The following B3GALT5 variants were observed in gnomAD, a reference collection of about 807,000 sequenced individuals.
B3GALT5 encodes beta-1,3-galactosyltransferase 5.
For synonymous variants in B3GALT5, 156 were observed against 158.6 expected, an observed-to-expected ratio of 0.98 and a Z score of 0.12; for missense variants, 328 against 396.6, an observed-to-expected ratio of 0.83 and a Z score of 1.47.
At chr21:39,615,450 G>A (rs971298261) in intron 1 of B3GALT5, among the ~76,000 whole-genome samples, 23 of 152,130 alleles carry the variant, frequency 1.5e-4, no homozygotes, top group Non-Finnish European at 3.4e-4. Flanking sequence ...CAAAACAACC[G>A]GAATTTTTAT....
chr21:39,644,619 G>T (rs112176606), intron 1 of B3GALT5, among the ~76,000 whole-genome samples: 247 of 152,340 alleles, frequency 1.6e-3, no homozygotes, highest in African/African-American at 5.7e-3. Flanking sequence ...AAACGATGGC[G>T]TGTATCCCTA....
At chr21:39,659,115 C>T (rs991188922) in intron 2 of B3GALT5, among the ~76,000 whole-genome samples, 5 of 152,214 alleles carry the variant, frequency 3.3e-5, no homozygotes, top group South Asian at 4.2e-4. Flanking sequence ...TGGCATGCGC[C>T]TGTGGTCACA....
intron 1 of B3GALT5, among the ~76,000 whole-genome samples, chr21:39,632,317 C>T (rs1474653431): frequency 1.3e-5 from 2 of 152,162 alleles, no homozygotes; most frequent in East Asian, 1.9e-4. Flanking sequence ...TATTTTCTGG[C>T]CCCAAGTAGG....
At chr21:39,642,175 C>A (rs1368942614) in intron 1 of B3GALT5, among the ~76,000 whole-genome samples, 3 of 152,220 alleles carry the variant, frequency 2.0e-5, no homozygotes, top group African/African-American at 7.2e-5. Context: ...TCCATTCATT[C>A]ATCAAGTGTA....
rs1267515750 is a variant in B3GALT5, at chr21:39,671,813, C to T, written c.*10321C>T. 1 of 152,116 alleles carries T rather than the reference C, an allele frequency of 6.6e-6. No homozygotes were observed. Among genetic ancestry groups the T allele is most frequent in the African/African-American group, 2.4e-5 (1 of 41,406 alleles). 9.4% of individuals were successfully genotyped at this position (152,116 alleles called of 1,614,324 possible). ...GAGGCATGAATTTCTGTCTGTTTTC[C>T]TGCTGTTGAAATCTGAGTGCTAGGA... On this transcript the variant is annotated 3_prime_UTR_variant, in exon 4 of 4. Coordinates refer to ENST00000684187, the MANE Select transcript of B3GALT5 (RefSeq NM_001356336.2).
chr21:39,656,171 C>T (rs1345636403), intron 2 of B3GALT5, among the ~76,000 whole-genome samples: 1 of 152,214 alleles, frequency 6.6e-6, no homozygotes, highest in Non-Finnish European at 1.5e-5. Context: ...GATTCTGACA[C>T]TCACTGGATT....
At chr21:39,654,955 A>G (rs574268058) in intron 2 of B3GALT5, among the ~76,000 whole-genome samples, 88 of 152,342 alleles carry the variant, frequency 5.8e-4, no homozygotes, top group Middle Eastern at 6.8e-3. Flanking sequence ...TTGCTCTTTT[A>G]TGATATTTGC....
intron 1 of B3GALT5, among the ~76,000 whole-genome samples, chr21:39,623,800 C>T (rs1447379487): frequency 6.6e-6 from 1 of 152,072 alleles, no homozygotes; most frequent in Non-Finnish European, 1.5e-5. Context: ...TGGTGAGTAC[C>T]TAGAGTCCAG....
intron 1 of B3GALT5, among the ~76,000 whole-genome samples, chr21:39,633,789 T>G (rs1220935683): frequency 6.6e-6 from 1 of 152,220 alleles, no homozygotes; most frequent in Non-Finnish European, 1.5e-5. Context: ...GAAAATTGCT[T>G]TCATATATAT....
In B3GALT5 at chr21:39,646,452, C is replaced by T. The variant is rs529622552; in HGVS notation, c.-331C>T. 3.3e-5 allele frequency: 5 copies of T among 152,238 alleles called. No individual in the cohort carries two copies. In the South Asian group the frequency reaches 8.3e-4, roughly 25 times the overall value. 9.4% of individuals were successfully genotyped at this position (152,238 alleles called of 1,614,324 possible). A position where few individuals can be genotyped will look rare whatever the true frequency, so the allele number is the denominator to read the frequency against. ...TTGTGTTCAAGTAAGAAAATGTATC[C>T]AAGTCACAAAGAAACATAATTTGGC... is the stretch of plus-strand genomic sequence containing the variant. On this transcript the variant is annotated 5_prime_UTR_variant, in exon 2 of 4. Transcript: ENST00000684187.
intron 1 of B3GALT5, among the ~76,000 whole-genome samples, chr21:39,634,432 C>T (rs531009543): frequency 1.8e-4 from 27 of 152,338 alleles, no homozygotes; most frequent in African/African-American, 6.0e-4. Flanking sequence ...CCACACCTCT[C>T]GTTTCTGGCA....
chr21:39,636,223 G>A (rs1420982466), intron 1 of B3GALT5, among the ~76,000 whole-genome samples: 1 of 152,228 alleles, frequency 6.6e-6, no homozygotes, highest in African/African-American at 2.4e-5. Context: ...ATTTAATGCA[G>A]TGCTTGACAC....
intron 2 of B3GALT5, among the ~76,000 whole-genome samples, chr21:39,651,716 A>G (rs1163019564): frequency 6.6e-6 from 1 of 152,226 alleles, no homozygotes; most frequent in East Asian, 1.9e-4. Flanking sequence ...ATCGCACCGT[A>G]GTAGCAGTGG....
rs757514283 is a variant in B3GALT5 at position 39,661,472 on chromosome 21, G to A, written c.913G>A (p.Glu305Lys). The A allele has an allele frequency of 2.0e-6, 3 of 1,509,474 alleles. No homozygotes were observed. Among genetic ancestry groups the A allele is most frequent in the South Asian group, 2.7e-5 (2 of 72,860 alleles). The allele number at this position is 1,509,474 out of a possible 1,614,324, so 93.5% of individuals were successfully genotyped here. A position where few individuals can be genotyped will look rare whatever the true frequency, so the allele number is the denominator to read the frequency against. Residue 305 changes from glutamate (E) to lysine (K), a missense_variant, in exon 4 of 4, where the codon GAA becomes AAA. Glu to Lys is a moderately conservative substitution (Grantham distance 56). Transcript: ENST00000684187. The surrounding 1 kb of genome is among the most constrained non-coding windows in gnomAD (Gnocchi z 4.7). ...YWQALENSRG[E>K]DCPPV ...GCAGGCTCTAGAGAATTCCCGGGGG[G>A]AAGATTGTCCGCCTGTCTGAGGGGA... is the stretch of plus-strand genomic sequence containing the variant.
chr21:39,661,005 C>T lies in B3GALT5; in HGVS notation c.446C>T (p.Ala149Val), dbSNP rs372607334. Residue 149 changes from alanine (A) to valine (V), a missense_variant, in exon 4 of 4, where the codon GCG becomes GTG. Coordinates refer to ENST00000684187, the MANE Select transcript of B3GALT5 (RefSeq NM_001356336.2). This position sits in a 1 kb window ranked among gnomAD's most constrained non-coding sequence, Gnocchi z 4.7. ...IEWVHRFCPQ[A>V]AFVMKTDSDM... ...TGGGTCCATCGCTTTTGTCCTCAGG[C>T]GGCGTTTGTGATGAAAACAGACTCA... The T allele has an allele frequency of 8.2e-5, 132 of 1,613,130 alleles. No homozygotes were observed. The highest frequency in any genetic ancestry group is 1.0e-4 in the Non-Finnish European group (118 of 1,179,272).
rs1299566076 is a variant in B3GALT5, at chr21:39,663,829, C to G, written c.*2337C>G. 1 of 152,224 alleles carries G rather than the reference C, an allele frequency of 6.6e-6. No individual in the cohort carries two copies. The highest frequency in any genetic ancestry group is 2.4e-5 in the African/African-American group (1 of 41,404). 9.4% of individuals were successfully genotyped at this position (152,224 alleles called of 1,614,324 possible). A position where few individuals can be genotyped will look rare whatever the true frequency, so the allele number is the denominator to read the frequency against. Reference sequence around the variant, plus strand: ...AGGGTTCCAGCTCAGCGTGGGTTTCCTGGTGCTGTCTTGTCTGGATGTGAG... The same window carrying G: ...AGGGTTCCAGCTCAGCGTGGGTTTCGTGGTGCTGTCTTGTCTGGATGTGAG... On this transcript the variant is annotated 3_prime_UTR_variant, in exon 4 of 4. Transcript: ENST00000684187.
intron 1 of B3GALT5, among the ~76,000 whole-genome samples, chr21:39,642,590 G>T (rs1040017033): frequency 6.6e-6 from 1 of 152,154 alleles, no homozygotes; most frequent in African/African-American, 2.4e-5. Context: ...TGTTTGCTCT[G>T]TCTCTTTCTT....
chr21:39,656,754 A>T (rs1182239533), intron 2 of B3GALT5, among the ~76,000 whole-genome samples: 1 of 152,162 alleles, frequency 6.6e-6, no homozygotes, highest in Non-Finnish European at 1.5e-5. Context: ...GCCTGGGGAG[A>T]GTCCCAGGAC....
intron 2 of B3GALT5, among the ~76,000 whole-genome samples, 170 bp from the exon 3 acceptor site, chr21:39,659,583 G>A (rs973438939): frequency 1.3e-5 from 2 of 152,290 alleles, no homozygotes; most frequent in Non-Finnish European, 2.9e-5. Flanking sequence ...TGTTTGCCTT[G>A]ATCATACCCA....
Sources: allele counts gnomAD v4.1 joint callset (sites outside exome capture counted in the v4.1 genomes callset), GRCh38; gene constraint gnomAD v4.1.1; non-coding constraint Gnocchi (gnomAD v3.1); transcripts MANE v1.5; gene names NCBI Gene and HGNC (gene_info 2026-07-23, HGNC 2026-07-21).